C1orf167: variants seen among roughly 807,000 people sequenced by gnomAD.
C1orf167 encodes chromosome 1 open reading frame 167.
C1orf167 carries 153 observed loss-of-function variants against 176.5 expected under a neutral mutation model. That is an observed-to-expected ratio of 0.87 (90% CI 0.76 to 0.99). C1orf167 has a LOEUF of 0.99. Ranked by LOEUF, C1orf167 falls within the 50% of genes least tolerant of loss-of-function variation. The pLI is 0.00. For synonymous variants in C1orf167, 594 were observed against 752.7 expected (o/e 0.79, Z 3.45); for missense variants, 1,490 against 1,817.7 (o/e 0.82, Z 3.28).
chr1:11,765,564 C>T (rs1300429626), intron 2 of C1orf167, among the ~76,000 whole-genome samples: 1 of 100,742 alleles, frequency 9.9e-6, no homozygotes, highest in Non-Finnish European at 2.1e-5. Flanking sequence ...TTCTCTTTAC[C>T]CACCTGCTAC....
Position 11,765,849 on chromosome 1 carries a change from C to G in C1orf167, c.71-8C>G. 8.4e-7 allele frequency: 1 copy of G among 1,189,514 alleles called. No individual in the cohort carries two copies. Among genetic ancestry groups the G allele is most frequent in the Non-Finnish European group, 1.1e-6 (1 of 940,202 alleles). 73.7% of individuals were successfully genotyped at this position (1,189,514 alleles called of 1,614,324 possible). ...CACCCAAGTCATGACTGTCTCTCCT[C>G]TCTTTAGAGCAACGAAGATTCCGGA... is the stretch of plus-strand genomic sequence containing the variant. On this transcript the variant is annotated splice_polypyrimidine_tract_variant and splice_region_variant and intron_variant, in intron 2 of 20. Coordinates refer to ENST00000688073, the MANE Select transcript of C1orf167 (RefSeq NM_001010881.2).
intron 4 of C1orf167, among the ~76,000 whole-genome samples, chr1:11,767,545 G>A (rs1468954320): frequency 6.6e-6 from 1 of 152,062 alleles, no homozygotes; most frequent in Non-Finnish European, 1.5e-5. Context: ...ATCTCTGGCT[G>A]GATGCGGTGG....
At chr1:11,771,372 C>T (rs1033591870) in intron 6 of C1orf167, among the ~76,000 whole-genome samples, 152 bp from the exon 7 acceptor site, 1 of 152,078 alleles carries the variant, frequency 6.6e-6, no homozygotes, top group African/African-American at 2.4e-5. Flanking sequence ...TTAAATCCGA[C>T]ATAAAATAAA....
chr1:11,780,001 T>C lies in C1orf167; in HGVS notation c.2851T>C (p.Cys951Arg), dbSNP rs1465948835. The change falls in exon 13 of 21, where the codon TGT (cysteine) becomes CGT (arginine). Residue 951 changes from cysteine (C) to arginine (R), a missense_variant. Physicochemically the swap from Cys to Arg is radical, Grantham distance 180. Transcript: ENST00000688073. Reference sequence around the variant, plus strand: ...AGATGCCCTATGCCACTGGCACTCCTGTTGGCAGGGTGAGTGGAGACTTGG... The same window carrying C: ...AGATGCCCTATGCCACTGGCACTCCCGTTGGCAGGGTGAGTGGAGACTTGG... ...ARDALCHWHSCWQGQQFLHEK... is the reference protein window; with the variant it reads ...ARDALCHWHSRWQGQQFLHEK... 3 of 1,281,120 alleles carry C rather than the reference T, an allele frequency of 2.3e-6. No individual in the cohort carries two copies. Among genetic ancestry groups the C allele is most frequent in the Admixed American group, 4.7e-5 (2 of 42,726 alleles). The allele number at this position is 1,281,120 out of a possible 1,614,324, so 79.4% of individuals were successfully genotyped here. A position where few individuals can be genotyped will look rare whatever the true frequency, so the allele number is the denominator to read the frequency against.
In C1orf167 at chr1:11,764,374, A is replaced by G. The variant is rs1642685242; in HGVS notation, c.-27A>G. On this transcript the variant is annotated 5_prime_UTR_variant, in exon 2 of 21. Coordinates refer to ENST00000688073, the MANE Select transcript of C1orf167 (RefSeq NM_001010881.2). ...GACCAGGCCACTCACTGTGGAGTGG[A>G]CCAAGGATACTCCTGTCCCTGAGCC... The G allele has an allele frequency of 7.8e-7, 1 of 1,283,784 alleles. No homozygotes were observed. 79.5% of individuals were successfully genotyped at this position (1,283,784 alleles called of 1,614,324 possible). A position where few individuals can be genotyped will look rare whatever the true frequency, so the allele number is the denominator to read the frequency against.
intron 6 of C1orf167, among the ~76,000 whole-genome samples, chr1:11,771,049 G>GTGTGTGTGTGTATATATATATA (rs1491322371): frequency 5.7e-5 from 2 of 34,890 alleles, no homozygotes; most frequent in Non-Finnish European, 1.1e-4. Flanking sequence ...GTGTGTGTGT[G>GTGTGTGTGTGTATATATATATA]TATATATATA....
chr1:11,779,071 G>T lies in C1orf167; in HGVS notation c.2642G>T (p.Arg881Leu), dbSNP rs919265415. Residue 881 changes from arginine (R) to leucine (L), a missense_variant, in exon 12 of 21, where the codon CGC becomes CTC. Transcript: ENST00000688073. Reference protein sequence around the residue: ...QGTARWYQHTRQRRIFLSWSR... With the variant: ...QGTARWYQHTLQRRIFLSWSR... ...ACAGCCAGGTGGTACCAGCATACCC[G>T]CCAGAGGCGGTAGGGATCCCTCCCC... The T allele has an allele frequency of 4.8e-6, 6 of 1,247,804 alleles. No homozygotes were observed. The African/African-American group carries it at 9.3e-5, about 19-fold the overall frequency. The allele number at this position is 1,247,804 out of a possible 1,614,324, so 77.3% of individuals were successfully genotyped here.
At chr1:11,784,034 T>C (rs1643718894) in intron 14 of C1orf167, 140 bp from the exon 15 acceptor site, 1 of 748,860 alleles carries the variant, frequency 1.3e-6, no homozygotes, top group African/African-American at 1.9e-5. Context: ...ATTTTTGTAT[T>C]TTTAATAGAG....
At chr1:11,764,617 C>A in intron 2 of C1orf167, 147 bp downstream of exon 2, 1 of 570,846 alleles carries the variant, frequency 1.8e-6, no homozygotes, top group Non-Finnish European at 2.7e-6. Context: ...GGACATAGGA[C>A]AGAGTCTTCC....
At chr1:11,779,335 A>T in intron 12 of C1orf167, 1 of 237,342 alleles carries the variant, frequency 4.2e-6, no homozygotes, top group African/African-American at 2.3e-5. Context: ...CACAATGCAT[A>T]AGAGTTGGTC....
chr1:11,788,024 C>G lies in C1orf167; in HGVS notation c.3825C>G (p.Ser1275Arg), dbSNP rs1249080051. The G allele has an allele frequency of 7.7e-7, 1 of 1,300,742 alleles. No individual in the cohort carries two copies. Among genetic ancestry groups the G allele is most frequent in the Non-Finnish European group, 1.0e-6 (1 of 987,238 alleles). 80.6% of individuals were successfully genotyped at this position (1,300,742 alleles called of 1,614,324 possible). A position where few individuals can be genotyped will look rare whatever the true frequency, so the allele number is the denominator to read the frequency against. The change falls in exon 18 of 21, where the codon AGC becomes AGG. Residue 1275 changes from serine (S) to arginine (R), a missense_variant. Ser to Arg is a moderately radical substitution (Grantham distance 110). Transcript: ENST00000688073. ...AGCCCAGAGCCTGCAAAGCCCAAAG[C>G]AAGGCCCATAAACGGAGGCTACGGT... ...SPEPRACKAQ[S>R]KAHKRRLRAR...
In C1orf167 at chr1:11,769,078, A is replaced by G. The variant is rs1642931410; in HGVS notation, c.1648A>G (p.Arg550Gly). 1.0e-6 allele frequency: 1 copy of G among 985,910 alleles called. No homozygotes were observed. Among genetic ancestry groups the G allele is most frequent in the Non-Finnish European group, 1.2e-6 (1 of 829,966 alleles). The allele number at this position is 985,910 out of a possible 1,614,324, so 61.1% of individuals were successfully genotyped here. Residue 550 changes from arginine (R) to glycine (G), a missense_variant, in exon 6 of 21, where the codon AGA (arginine) becomes GGA (glycine). Coordinates refer to ENST00000688073, the MANE Select transcript of C1orf167 (RefSeq NM_001010881.2). Reference protein sequence around the residue: ...RAQGKGLSLGRSTVVDPAQRS... With the variant: ...RAQGKGLSLGGSTVVDPAQRS... ...CCAGGGCAAAGGCCTCTCCTTGGGA[A>G]GAAGCACAGTGGTGGACCCCGCCCA...
chr1:11,773,038 C>T (rs11809568), intron 8 of C1orf167, among the ~76,000 whole-genome samples: 85,630 of 151,746 alleles, frequency 0.56, 25,263 homozygotes, highest in East Asian at 0.77. Context: ...CCTGGGACTA[C>T]AGGCACATGC....
At position 11,772,267 on chromosome 1, in the gene C1orf167, G is replaced by T; in HGVS notation, c.1988+8G>T. On this transcript the variant is annotated splice_region_variant and intron_variant, in intron 8 of 20. Coordinates refer to ENST00000688073, the MANE Select transcript of C1orf167 (RefSeq NM_001010881.2). Reference sequence around the variant, plus strand: ...GAGAGCTTGGCTGTGCAGGTAGGATGCCCTTCCCTTTTTTTTGAGATGAGG... The same window carrying T: ...GAGAGCTTGGCTGTGCAGGTAGGATTCCCTTCCCTTTTTTTTGAGATGAGG... The T allele has an allele frequency of 7.7e-7, 1 of 1,297,828 alleles. No homozygotes were observed. The highest frequency in any genetic ancestry group is 1.0e-6 in the Non-Finnish European group (1 of 986,162). 80.4% of individuals were successfully genotyped at this position (1,297,828 alleles called of 1,614,324 possible).
At chr1:11,779,131 G>T in intron 12 of C1orf167, 51 bp downstream of exon 12, 1 of 1,206,136 alleles carries the variant, frequency 8.3e-7, no homozygotes, top group African/African-American at 1.6e-5. Context: ...ACTGTTTCCC[G>T]GCCCCTTCTC....
At chr1:11,774,638 T>C (rs774199660) in intron 8 of C1orf167, among the ~76,000 whole-genome samples, 5 of 152,036 alleles carry the variant, frequency 3.3e-5, no homozygotes, top group East Asian at 1.9e-4. Flanking sequence ...CAGAGCCGAA[T>C]TGGACCCTTG....
At chr1:11,763,642 G>C (rs905384576) in intron 1 of C1orf167, among the ~76,000 whole-genome samples, 2 of 152,168 alleles carry the variant, frequency 1.3e-5, no homozygotes, top group African/African-American at 4.8e-5. Flanking sequence ...GCATTGAGGG[G>C]GCTGGAGAGC....
Position 11,789,356 on chromosome 1 carries a change from C to T in C1orf167, c.4260C>T (p.Gly1420=). ...ASSPRPWSKP[G]PKGPESGQEA... ...GCCCAAGACCCTGGAGCAAGCCAGGCCCCAAGGGCCCCGAGAGTGGACAGG... is the reference window on the plus strand; with the variant it reads ...GCCCAAGACCCTGGAGCAAGCCAGGTCCCAAGGGCCCCGAGAGTGGACAGG... The change falls in exon 21 of 21, where the codon GGC becomes GGT. Residue 1420 remains glycine, a synonymous_variant. Coordinates refer to ENST00000688073, the MANE Select transcript of C1orf167 (RefSeq NM_001010881.2). 2 of 1,304,068 alleles carry T rather than the reference C, an allele frequency of 1.5e-6. No homozygotes were observed. Among genetic ancestry groups the T allele is most frequent in the Non-Finnish European group, 2.0e-6 (2 of 988,906 alleles). 80.8% of individuals were successfully genotyped at this position (1,304,068 alleles called of 1,614,324 possible).
In C1orf167 at chr1:11,785,181, C is replaced by T. The variant is rs905841355; in HGVS notation, c.3459C>T (p.Arg1153=). Reference sequence around the variant, plus strand: ...AGGCCTCGGTGCAGTCGGCGGTGCGCGGCGGTGTCCAGCGAGCCATCCTCA... The same window carrying T: ...AGGCCTCGGTGCAGTCGGCGGTGCGTGGCGGTGTCCAGCGAGCCATCCTCA... The part of the protein sequence containing the change: ...VLEASVQSAV[R]GGVQRAILTQ... The change falls in exon 16 of 21, where the codon CGC becomes CGT. Residue 1153 remains arginine (R), a synonymous_variant. Transcript: ENST00000688073. 1.2e-5 allele frequency: 16 copies of T among 1,291,554 alleles called. No individual in the cohort carries two copies. The highest frequency in any genetic ancestry group is 4.3e-4 in the Middle Eastern group (2 of 4,680). The allele number at this position is 1,291,554 out of a possible 1,614,324, so 80.0% of individuals were successfully genotyped here.
Sources: gnomAD v4.1 joint callset for allele counts (sites outside exome capture counted in the v4.1 genomes callset) on GRCh38, gnomAD v4.1.1 for gene constraint, MANE v1.5 for transcripts, NCBI Gene and HGNC (gene_info 2026-07-23, HGNC 2026-07-21) for gene names.